The following SBF2 variants were observed in gnomAD, a reference collection of about 807,000 sequenced individuals.
The protein encoded by SBF2 is SET binding factor 2, also known as myotubularin-related protein 13.
SBF2 carries 112 observed loss-of-function variants against 225.2 expected under a neutral mutation model. The ratio of observed to expected loss-of-function variants is 0.50; its 90% CI spans 0.43 to 0.58. The LOEUF is 0.58. Ranked by LOEUF, SBF2 falls within the 20% of genes least tolerant of loss-of-function variation. The pLI is 0.00. For missense variants in SBF2, 1,996 were observed against 2,206.2 expected (o/e 0.90, Z 1.91); for synonymous variants, 763 against 773.3 (o/e 0.99, Z 0.22).
chr11:10,043,043 T>C, intron 2 of SBF2, 62 bp from the exon 3 acceptor site: 1 of 1,521,958 alleles, frequency 6.6e-7, no homozygotes. Context: ...TATTAATCTC[T>C]GAGAAATTTT....
intron 1 of SBF2, among the ~76,000 whole-genome samples, chr11:10,232,250 C>CCGT (rs1347575471): frequency 2.0e-5 from 3 of 152,236 alleles, no homozygotes; most frequent in Non-Finnish European, 2.9e-5. Context: ...ACCCCTTGTA[C>CCGT]TTCCCAGGTG....
At chr11:9,958,450 TG>T (rs1158617646) in intron 16 of SBF2, 1 of 146,812 alleles carries the variant, frequency 6.8e-6, no homozygotes, top group Non-Finnish European at 1.5e-5. Context: ...CTCCGCCCCC[TG>T]GGGTTCACGC....
intron 6 of SBF2, among the ~76,000 whole-genome samples, chr11:10,019,604 A>T (rs1487066335): frequency 6.6e-6 from 1 of 152,128 alleles, no homozygotes; most frequent in East Asian, 1.9e-4. Context: ...CCCTTATGAC[A>T]AAAGACAGAT....
At chr11:9,967,303 C>T (rs993218467) in intron 14 of SBF2, among the ~76,000 whole-genome samples, 6 of 149,764 alleles carry the variant, frequency 4.0e-5, no homozygotes, top group Non-Finnish European at 7.4e-5. Context: ...GCCCGGGAGG[C>T]GGAGCTTGCA....
At chr11:9,782,207 T>C (rs969662547) in intron 38 of SBF2, among the ~76,000 whole-genome samples, 6 of 147,768 alleles carry the variant, frequency 4.1e-5, no homozygotes, top group African/African-American at 1.2e-4. Context: ...AGAAGTCAAG[T>C]AACAACTGTA....
chr11:9,806,545 A>C (rs1853860477), intron 32 of SBF2, among the ~76,000 whole-genome samples: 1 of 152,190 alleles, frequency 6.6e-6, no homozygotes, highest in South Asian at 2.1e-4. Context: ...ATTTGCCAAA[A>C]GGAGTATGAA....
chr11:10,057,510 C>G (rs1345917495), intron 2 of SBF2, among the ~76,000 whole-genome samples: 17 of 152,314 alleles, frequency 1.1e-4, no homozygotes, highest in Non-Finnish European at 1.3e-4. Flanking sequence ...GGCTTGGGCC[C>G]ACAGCGCAAA....
chr11:9,894,465 T>C (rs975737254), intron 17 of SBF2, among the ~76,000 whole-genome samples: 3 of 150,584 alleles, frequency 2.0e-5, no homozygotes, highest in Non-Finnish European at 4.4e-5. Context: ...TGCAGCGAGC[T>C]GAAATCGCGC....
intron 1 of SBF2, among the ~76,000 whole-genome samples, chr11:10,276,878 G>T (rs1379679035): frequency 6.6e-6 from 1 of 152,020 alleles, no homozygotes; most frequent in Non-Finnish European, 1.5e-5. Flanking sequence ...GAAAACAGGT[G>T]GCACTAGTAA....
chr11:9,955,038 G>A (rs1036902271), intron 16 of SBF2, among the ~76,000 whole-genome samples: 2 of 151,932 alleles, frequency 1.3e-5, no homozygotes, highest in African/African-American at 4.8e-5. Flanking sequence ...ACAAAAGACA[G>A]GGCTTTTCTT....
intron 17 of SBF2, among the ~76,000 whole-genome samples, chr11:9,881,817 T>TAAA (rs1003093750): frequency 1.3e-5 from 2 of 151,466 alleles, no homozygotes; most frequent in Admixed American, 6.6e-5. Flanking sequence ...ACCCCATCTC[T>TAAA]AAAAAAAATA....
chr11:9,974,960 C>CA (rs1166081188), intron 13 of SBF2, among the ~76,000 whole-genome samples: 2,181 of 23,178 alleles, frequency 0.094, 643 homozygotes, highest in African/African-American at 0.19. Context: ...AACTTTGACT[C>CA]AAAAAAAAAA....
chr11:10,014,141 T>C (rs906003102), intron 6 of SBF2, among the ~76,000 whole-genome samples: 2 of 152,176 alleles, frequency 1.3e-5, no homozygotes, highest in Admixed American at 6.5e-5. Flanking sequence ...TGGTGAGAAA[T>C]GGTATCAAAG....
rs779570389 is a variant in SBF2, at chr11:9,856,702, G to A, written c.2119C>T (p.His707Tyr). Residue 707 changes from histidine to tyrosine, a missense_variant, in exon 19 of 40, where the codon CAT (histidine) becomes TAT (tyrosine). Physicochemically the swap from His to Tyr is moderately conservative, Grantham distance 83. Coordinates refer to ENST00000256190, the MANE Select transcript of SBF2 (RefSeq NM_030962.4). ...TCCATTGCTGTCTTCTCCTGATAATGGTCATCAGGAAGCTTATCCTAAAAA... is the reference window on the plus strand; with the variant it reads ...TCCATTGCTGTCTTCTCCTGATAATAGTCATCAGGAAGCTTATCCTAAAAA... ...LKQKDKLPDD[H>Y]YQEKTAMDLA... The A allele has an allele frequency of 3.1e-6, 5 of 1,613,722 alleles. No individual in the cohort carries two copies. In the South Asian group the frequency reaches 5.5e-5, roughly 18 times the overall value.
chr11:10,273,915 T>C (rs749882640), intron 1 of SBF2, among the ~76,000 whole-genome samples: 2 of 152,232 alleles, frequency 1.3e-5, no homozygotes, highest in Non-Finnish European at 2.9e-5. Context: ...ACCTTCATCA[T>C]ATGATGGCAG....
At chr11:10,125,922 T>C (rs1196605738) in intron 2 of SBF2, among the ~76,000 whole-genome samples, 2 of 152,226 alleles carry the variant, frequency 1.3e-5, no homozygotes, top group African/African-American at 4.8e-5. Flanking sequence ...TTCTCATGCC[T>C]AGACTGTGTT....
intron 28 of SBF2, chr11:9,828,407 A>C: frequency 1.0e-6 from 1 of 985,454 alleles, no homozygotes; most frequent in Non-Finnish European, 1.2e-6. Flanking sequence ...CACATTTGCA[A>C]GATTATAGAG....
intron 3 of SBF2, among the ~76,000 whole-genome samples, chr11:10,036,387 T>C (rs963294486): frequency 1.3e-5 from 2 of 152,178 alleles, no homozygotes; most frequent in Non-Finnish European, 2.9e-5. Flanking sequence ...GTTCTGCACA[T>C]GTACCCCAGA....
rs1487986896 is a variant in SBF2 at position 10,225,910 on chromosome 11, G to A, written c.56-31923C>T. Reference sequence around the variant, plus strand: ...GTTTGAAATAAAATGTAAAGGAGTCGATTAGCAGTATGTTTTTCAAAGTCT... The same window carrying A: ...GTTTGAAATAAAATGTAAAGGAGTCAATTAGCAGTATGTTTTTCAAAGTCT... On this transcript the variant is annotated intron_variant, in intron 1 of 39. Coordinates refer to ENST00000256190, the MANE Select transcript of SBF2 (RefSeq NM_030962.4). Among the ~76,000 whole-genome samples, 4 of 152,180 alleles carry A rather than the reference G, an allele frequency of 2.6e-5. No homozygotes were observed. The East Asian group carries it at 5.8e-4, about 22-fold the overall frequency.
Sources: gnomAD v4.1 joint callset for allele counts (sites outside exome capture counted in the v4.1 genomes callset) on GRCh38, gnomAD v4.1.1 for gene constraint, MANE v1.5 for transcripts, NCBI Gene and HGNC (gene_info 2026-07-23, HGNC 2026-07-21) for gene names.